Variants in KANSL2 observed in about 807,000 individuals in gnomAD.
KANSL2 encodes KAT8 regulatory NSL complex subunit 2.
In KANSL2, 34 loss-of-function variants were observed where a neutral mutation model predicts 55.6. The observed-to-expected ratio is 0.61, with a 90% confidence interval of 0.46 to 0.81. The LOEUF is 0.81. Ranked by LOEUF, KANSL2 falls within the 40% of genes least tolerant of loss-of-function variation. The probability of loss-of-function intolerance (pLI) is 0.00; values close to 1 mark genes in which losing one functional copy is unlikely to be tolerated. For synonymous variants in KANSL2, 209 were observed against 214.3 expected, an observed-to-expected ratio of 0.98 and a Z score of 0.22; for missense variants, 502 against 609.9, an observed-to-expected ratio of 0.82 and a Z score of 1.86.
At chr12:48,663,913 CTTTTTTTTTTT>C (rs34879709) in intron 7 of KANSL2, among the ~76,000 whole-genome samples, 2 of 112,566 alleles carry the variant, frequency 1.8e-5, no homozygotes, top group South Asian at 3.1e-4. Flanking sequence ...AACTATTAGC[CTTTTTTTTTTT>C]TTTTTTTTTT....
At chr12:48,662,744 C>A in intron 7 of KANSL2, 1 of 828,146 alleles carries the variant, frequency 1.2e-6, no homozygotes, top group Non-Finnish European at 1.6e-6. Context: ...TACTTCCCTT[C>A]TCTTTTCAAA....
chr12:48,654,406 C>A (rs566605229), intron 9 of KANSL2: 6 of 749,204 alleles, frequency 8.0e-6, no homozygotes, highest in East Asian at 5.3e-5. Context: ...AATGAAATAG[C>A]CATTCCCTAC....
In KANSL2 at chr12:48,660,403, A is replaced by G; in HGVS notation, c.1190T>C (p.Leu397Pro). 6.2e-7 allele frequency: 1 copy of G among 1,613,976 alleles called. No individual in the cohort carries two copies. Among genetic ancestry groups the G allele is most frequent in the South Asian group, 1.1e-5 (1 of 91,074 alleles). ...PMDLYLSAAE[L>P]QPTESLPLEF... ...CAGAGGTAAACTCTCAGTGGGCTGAAGCTCAGCAGCACTCAAGTACAGATC... is the reference window on the plus strand; with the variant it reads ...CAGAGGTAAACTCTCAGTGGGCTGAGGCTCAGCAGCACTCAAGTACAGATC... The change falls in exon 8 of 10, where the codon CTT becomes CCT. Residue 397 changes from leucine to proline, a missense_variant. By Grantham distance (98) the Leu-to-Pro change is moderately conservative. Coordinates refer to ENST00000420613, the MANE Select transcript of KANSL2 (RefSeq NM_017822.4).
rs74977276 is a variant in KANSL2, at chr12:48,659,980, G to C, written c.1227+386C>G. 5.8e-3 allele frequency among the ~76,000 whole-genome samples: 888 copies of C among 152,270 alleles called. 7 individuals carry two copies. Among genetic ancestry groups the C allele is most frequent in the African/African-American group, 0.019 (810 of 41,556 alleles). ...AAAAAGTAGATTCATCGTGGCCAGG[G>C]GCTGAGGGGAGAAGAAAATGAAGAG... On this transcript the variant is annotated intron_variant, in intron 8 of 9. Coordinates refer to ENST00000420613, the MANE Select transcript of KANSL2 (RefSeq NM_017822.4).
At chr12:48,668,402 T>A (rs190536016) in intron 6 of KANSL2, among the ~76,000 whole-genome samples, 1 of 152,354 alleles carries the variant, frequency 6.6e-6, no homozygotes, top group East Asian at 1.9e-4. Flanking sequence ...GGACTCACAC[T>A]AGAATCCATG....
At chr12:48,662,565 G>A (rs1481009606) in intron 7 of KANSL2, 2 of 1,280,034 alleles carry the variant, frequency 1.6e-6, no homozygotes, top group African/African-American at 1.5e-5. Flanking sequence ...CCTACAACTA[G>A]AGTCTGGGTC....
At chr12:48,665,475 A>G (rs910464224) in intron 7 of KANSL2, among the ~76,000 whole-genome samples, 1 of 152,304 alleles carries the variant, frequency 6.6e-6, no homozygotes, top group Admixed American at 6.5e-5. Context: ...AGGCAGGAGA[A>G]TCGCTTGTAC....
chr12:48,661,195 C>CT (rs34469425), intron 7 of KANSL2: 6,568 of 830,818 alleles, frequency 7.9e-3, no homozygotes, highest in Middle Eastern at 0.011. Flanking sequence ...ATATACATGC[C>CT]TTTTTTTTTT....
chr12:48,681,878 G>A (rs1592112184), intron 1 of KANSL2: 1 of 704,168 alleles, frequency 1.4e-6, no homozygotes, highest in African/African-American at 1.7e-5. Context: ...GTATCTTCAG[G>A]ACTCGCACAG....
At chr12:48,673,002 T>C (rs2137197618) in intron 4 of KANSL2, among the ~76,000 whole-genome samples, 1 of 152,018 alleles carries the variant, frequency 6.6e-6, no homozygotes, top group East Asian at 2.0e-4. Context: ...AGATCGATCT[T>C]CCAGCCTCGG....
At chr12:48,665,103 T>A (rs573377836) in intron 7 of KANSL2, among the ~76,000 whole-genome samples, 20 of 152,246 alleles carry the variant, frequency 1.3e-4, no homozygotes, top group African/African-American at 3.6e-4. Context: ...AGCATTTATC[T>A]TTAGAGTTTT....
chr12:48,664,551 T>C (rs1939553219), intron 7 of KANSL2, among the ~76,000 whole-genome samples: 1 of 149,346 alleles, frequency 6.7e-6, no homozygotes, highest in African/African-American at 2.5e-5. Flanking sequence ...GTGCCGGGAT[T>C]ACAGGCGTGA....
rs776763651 is a variant in KANSL2 at position 48,681,641 on chromosome 12, C to T, written c.-9G>A. The stretch of plus-strand genomic sequence containing the variant: ...ATCCGAATCCTGTTCATAACCAAAA[C>T]CTGCGGGGTCAAACGAAAGACCAAA... On this transcript the variant is annotated splice_region_variant and 5_prime_UTR_variant, in exon 2 of 10. Transcript: ENST00000420613. The T allele has an allele frequency of 1.2e-6, 2 of 1,613,964 alleles. No homozygotes were observed. The highest frequency in any genetic ancestry group is 1.7e-6 in the Non-Finnish European group (2 of 1,179,892).
rs1211877099 is a variant in KANSL2, at chr12:48,653,544, G to A, written c.*500C>T. On this transcript the variant is annotated 3_prime_UTR_variant, in exon 10 of 10. Transcript: ENST00000420613. ...CATAGGTTAAAAGCAAGACGGATAA[G>A]GAGGACCCAGTCCTGTGGGCTGTTT... 1 of 152,858 alleles carries A rather than the reference G, an allele frequency of 6.5e-6. No homozygotes were observed. 9.5% of individuals were successfully genotyped at this position (152,858 alleles called of 1,614,324 possible).
intron 7 of KANSL2, among the ~76,000 whole-genome samples, chr12:48,667,082 G>A (rs2409083): frequency 0.03 from 4,576 of 151,680 alleles, 211 homozygotes; most frequent in African/African-American, 0.1. Flanking sequence ...TCGGAGAATC[G>A]CTTGAACTCG....
intron 5 of KANSL2, among the ~76,000 whole-genome samples, chr12:48,670,291 T>C (rs1691052278): frequency 6.6e-6 from 1 of 151,974 alleles, no homozygotes; most frequent in Non-Finnish European, 1.5e-5. Context: ...ATATTTACTA[T>C]ATTTATCCTT....
At chr12:48,681,861 G>A (rs1246260241) in intron 1 of KANSL2, 1 of 705,338 alleles carries the variant, frequency 1.4e-6, no homozygotes, top group South Asian at 1.5e-5. Context: ...ACCACACCAC[G>A]CTGAATGTAT....
chr12:48,655,202 G>A (rs6580690), intron 8 of KANSL2, 142 bp from the exon 9 acceptor site: 426,200 of 707,870 alleles, frequency 0.6, 131,257 homozygotes, highest in East Asian at 0.78. Flanking sequence ...TTTTACAAGA[G>A]CGTCCAACAA....
At chr12:48,681,684 G>A (rs556058430) in intron 1 of KANSL2, 43 bp from the exon 2 acceptor site, 4 of 1,612,190 alleles carry the variant, frequency 2.5e-6, no homozygotes, top group African/African-American at 2.7e-5. Flanking sequence ...TACCCTTCCC[G>A]AAAATTCCTG....
Sources: allele counts gnomAD v4.1 joint callset (sites outside exome capture counted in the v4.1 genomes callset), GRCh38; gene constraint gnomAD v4.1.1; transcripts MANE v1.5; gene names NCBI Gene and HGNC (gene_info 2026-07-23, HGNC 2026-07-21).